Variants in PUM1 observed in about 807,000 individuals in gnomAD.
PUM1 encodes the protein pumilio homolog 1.
Under a neutral mutation model 131.8 loss-of-function variants are expected in PUM1, and 13 were observed. The observed-to-expected ratio is 0.10, with a 90% confidence interval of 0.06 to 0.16. The LOEUF (loss-of-function observed/expected upper bound fraction) is 0.16, where lower values mean the gene tolerates loss of function less well. Ranked by LOEUF, PUM1 falls within the 10% of genes least tolerant of loss-of-function variation. The probability of loss-of-function intolerance (pLI) is 1.00; values close to 1 mark genes in which losing one functional copy is unlikely to be tolerated. For missense variants in PUM1, 961 were observed against 1,512.4 expected, an observed-to-expected ratio of 0.64 and a Z score of 6.05; for synonymous variants, 509 against 556.5, an observed-to-expected ratio of 0.91 and a Z score of 1.20.
intron 7 of PUM1, chr1:30,982,222 C>T (rs781699383): frequency 6.6e-6 from 1 of 152,192 alleles, no homozygotes; most frequent in African/African-American, 2.4e-5. Context: ...GAATGTCTTA[C>T]GATTCTACGT....
chr1:30,964,947 C>T (rs1172430798), intron 13 of PUM1, 37 bp from the exon 14 acceptor site: 3 of 1,563,842 alleles, frequency 1.9e-6, no homozygotes, highest in Non-Finnish European at 2.6e-6. Context: ...TAAGAACAGG[C>T]CTGTTCTTCG....
In PUM1 at chr1:31,038,958, T is replaced by TTATATATATATA. The variant is rs200492434; in HGVS notation, c.364-10106_364-10095dup. Among the ~76,000 whole-genome samples the TTATATATATATA allele has an allele frequency of 6.1e-4, 27 of 43,960 alleles. 3 individuals carry two copies. The highest frequency in any genetic ancestry group is 3.5e-3 in the African/African-American group (20 of 5,780). The allele number at this position is 43,960 out of a possible 152,430, so 28.8% of individuals were successfully genotyped here. On this transcript the variant is annotated intron_variant, in intron 2 of 21. Transcript: ENST00000426105. ...TAGCCATTTAAAATGTTTTAAAATT[T>TTATATATATATA]TATATATATATATATATATATATAT... is the stretch of plus-strand genomic sequence containing the variant.
chr1:31,006,931 T>C, intron 4 of PUM1, 63 bp downstream of exon 4: 2 of 1,292,180 alleles, frequency 1.5e-6, no homozygotes, highest in East Asian at 2.3e-5. Context: ...GACTTGCCAA[T>C]TGCTGAGGAA....
chr1:31,044,915 C>T (rs192106977), intron 2 of PUM1, among the ~76,000 whole-genome samples: 12 of 152,118 alleles, frequency 7.9e-5, no homozygotes, highest in Admixed American at 7.2e-4. Flanking sequence ...ATTCAAACAA[C>T]TCTCTTGCCT....
chr1:31,037,472 C>G lies in PUM1; in HGVS notation c.364-8608G>C, dbSNP rs566503817. Among the ~76,000 whole-genome samples the G allele has an allele frequency of 7.7e-4, 117 of 152,288 alleles. 1 individual carries two copies. Among genetic ancestry groups the G allele is most frequent in the African/African-American group, 2.6e-3 (110 of 41,566 alleles). ...GGGTACAATGGCTCATGCCTCCCAGCACTTGGGAGGCCAAGGCGGGCGGAT... is the reference window on the plus strand; with the variant it reads ...GGGTACAATGGCTCATGCCTCCCAGGACTTGGGAGGCCAAGGCGGGCGGAT... On this transcript the variant is annotated intron_variant, in intron 2 of 21. Coordinates refer to ENST00000426105, the MANE Select transcript of PUM1 (RefSeq NM_001020658.2).
At chr1:30,974,914 GTA>G (rs1323764528) in intron 9 of PUM1, 112 bp from the exon 10 acceptor site, 1 of 763,488 alleles carries the variant, frequency 1.3e-6, no homozygotes, top group African/African-American at 1.8e-5. Context: ...TAACTTAAAA[GTA>G]TATATTAATT....
chr1:30,992,747 A>T, intron 6 of PUM1, 87 bp from the exon 7 acceptor site: 1 of 1,085,302 alleles, frequency 9.2e-7, no homozygotes, highest in Non-Finnish European at 1.3e-6. Context: ...TGTCCTCAAC[A>T]TAGCTCATTA....
rs372966006 is a variant in PUM1 at position 30,964,738 on chromosome 1, T to C, written c.2259A>G (p.Pro753=). 9.9e-6 allele frequency: 16 copies of C among 1,613,964 alleles called. No individual in the cohort carries two copies. Among genetic ancestry groups the C allele is most frequent in the Admixed American group, 3.3e-5 (2 of 59,996 alleles). ...PVGMPLPSQG[P]GHSQTPPPSL... Reference sequence around the variant, plus strand: ...AAGGAGGTGGTGTCTGTGAATGTCCTGGTCCCTGACTAGGGAGAGGCATGC... The same window carrying C: ...AAGGAGGTGGTGTCTGTGAATGTCCCGGTCCCTGACTAGGGAGAGGCATGC... Residue 753 remains proline, a synonymous_variant, in exon 14 of 22, where the codon CCA becomes CCG. Transcript: ENST00000426105.
At chr1:30,947,759 T>A (rs1639740435) in intron 17 of PUM1, among the ~76,000 whole-genome samples, 1 of 152,074 alleles carries the variant, frequency 6.6e-6, no homozygotes, top group Non-Finnish European at 1.5e-5. Context: ...AAATGTTGAG[T>A]ACCTCAAAGC....
chr1:31,012,014 T>C (rs1489738957), intron 3 of PUM1, among the ~76,000 whole-genome samples: 5 of 152,194 alleles, frequency 3.3e-5, no homozygotes, highest in Non-Finnish European at 7.4e-5. Flanking sequence ...CAAAGAAGCC[T>C]ATTCTTATCA....
At chr1:30,967,389 T>C (rs1414856632) in intron 11 of PUM1, 79 bp from the exon 12 acceptor site, 1 of 1,442,454 alleles carries the variant, frequency 6.9e-7, no homozygotes, top group Non-Finnish European at 9.6e-7. Context: ...TTGTCAATAA[T>C]CACAAACTCA....
At chr1:30,941,044 T>TTTG (rs1639420688) in intron 20 of PUM1, 107 bp downstream of exon 20, 1 of 1,336,502 alleles carries the variant, frequency 7.5e-7, no homozygotes, top group Non-Finnish European at 1.0e-6. Flanking sequence ...CTATATATAC[T>TTTG]TTGAAAACAA....
At chr1:31,014,699 G>A (rs889651676) in intron 3 of PUM1, among the ~76,000 whole-genome samples, 22 of 151,372 alleles carry the variant, frequency 1.5e-4, no homozygotes, top group Middle Eastern at 3.4e-3. Flanking sequence ...TGAGGTAGCA[G>A]AATCACTTGA....
intron 7 of PUM1, among the ~76,000 whole-genome samples, chr1:30,988,723 G>T (rs148487246): frequency 1.3e-5 from 2 of 152,074 alleles, no homozygotes; most frequent in East Asian, 3.9e-4. Flanking sequence ...TTGTACACTC[G>T]TCTTCTACTC....
chr1:31,023,532 G>A (rs1056883127), intron 3 of PUM1, among the ~76,000 whole-genome samples: 1 of 152,132 alleles, frequency 6.6e-6, no homozygotes, highest in Non-Finnish European at 1.5e-5. Context: ...TCTCCATACT[G>A]GAGTCAGGCT....
intron 2 of PUM1, among the ~76,000 whole-genome samples, chr1:31,057,216 C>T (rs1644260726): frequency 6.6e-6 from 1 of 151,982 alleles, no homozygotes; most frequent in African/African-American, 2.4e-5. Context: ...AGAGCCTGGC[C>T]AACATGGCAA....
intron 2 of PUM1, among the ~76,000 whole-genome samples, chr1:31,038,984 A>ATATATATATATATATATATATATATATT: frequency 4.0e-5 from 2 of 49,416 alleles, no homozygotes; most frequent in Non-Finnish European, 6.1e-5. Flanking sequence ...ATATATATAT[A>ATATATATATATATATATATATATATATT]TTTTTTTTTT....
chr1:30,993,159 G>C (rs989036505), intron 6 of PUM1, among the ~76,000 whole-genome samples: 1 of 151,984 alleles, frequency 6.6e-6, no homozygotes, highest in African/African-American at 2.4e-5. Context: ...ACATGTCGTT[G>C]GTATTACTGA....
intron 5 of PUM1, among the ~76,000 whole-genome samples, chr1:31,004,843 AAT>A: frequency 6.6e-6 from 1 of 152,376 alleles, no homozygotes; most frequent in South Asian, 2.1e-4. Flanking sequence ...AGACAGTTAT[AAT>A]ATTAATTCTC....
Sources: gnomAD v4.1 joint callset for allele counts (sites outside exome capture counted in the v4.1 genomes callset) on GRCh38, gnomAD v4.1.1 for gene constraint, MANE v1.5 for transcripts, NCBI Gene and HGNC (gene_info 2026-07-23, HGNC 2026-07-21) for gene names.